The following ZNF44 variants were observed in gnomAD, a reference collection of about 807,000 sequenced individuals.
ZNF44 encodes gonadotropin inducible transcription repressor-2.
ZNF44 carries 9 observed loss-of-function variants against 11.7 expected under a neutral mutation model. The observed-to-expected ratio is 0.77, with a 90% CI of 0.46 to 1.35. The LOEUF (loss-of-function observed/expected upper bound fraction) is 1.35. ZNF44 is among the 40% of genes most tolerant of loss of function. The probability of loss-of-function intolerance (pLI) is 0.00; values close to 1 mark genes in which losing one functional copy is unlikely to be tolerated. For synonymous variants in ZNF44, 224 were observed against 242.7 expected (o/e 0.92, Z 0.72); for missense variants, 696 against 743.1 (o/e 0.94, Z 0.74).
intron 2 of ZNF44, among the ~76,000 whole-genome samples, chr19:12,234,380 A>G (rs1349059198): frequency 1.3e-5 from 2 of 152,092 alleles, no homozygotes; most frequent in East Asian, 1.9e-4. Flanking sequence ...CCCTCAAGGG[A>G]TTTTCCTCTT....
At chr19:12,291,628 G>A (rs1289799763) in intron 1 of ZNF44, among the ~76,000 whole-genome samples, 2 of 152,096 alleles carry the variant, frequency 1.3e-5, no homozygotes, top group South Asian at 2.1e-4. Context: ...AGCCCTGGAG[G>A]CAGAGGTTGC....
chr19:12,258,250 T>C (rs1040614878), intron 5 of ZNF44, among the ~76,000 whole-genome samples: 1 of 144,892 alleles, frequency 6.9e-6, no homozygotes, highest in African/African-American at 2.5e-5. Flanking sequence ...GGAGGATGCT[T>C]CAGCCCAGAT....
At chr19:12,270,728 C>T (rs1480048687), downstream of ZNF44, among the ~76,000 whole-genome samples, 2 of 152,170 alleles carry the variant, frequency 1.3e-5, no homozygotes, top group Non-Finnish European at 2.9e-5. Flanking sequence ...GCTAGGATTA[C>T]AGGTGTGAAC....
chr19:12,263,678 C>T (rs1021243777), intron 5 of ZNF44, among the ~76,000 whole-genome samples: 4 of 152,000 alleles, frequency 2.6e-5, no homozygotes, highest in African/African-American at 4.8e-5. Flanking sequence ...GTAATCCCAG[C>T]ACTTTGGGAG....
intron 3 of ZNF44, among the ~76,000 whole-genome samples, chr19:12,229,748 G>T (rs1482044953): frequency 6.6e-6 from 1 of 151,996 alleles, no homozygotes; most frequent in African/African-American, 2.4e-5. Flanking sequence ...CAAGTACTGG[G>T]ACTACAGGTG....
chr19:12,242,159 G>A (rs73505809), upstream of ZNF44, among the ~76,000 whole-genome samples: 8,619 of 152,054 alleles, frequency 0.057, 830 homozygotes, highest in African/African-American at 0.2. Flanking sequence ...TGTATTTAAT[G>A]CTACTGAATG....
downstream of ZNF44, chr19:12,225,328 G>A (rs1027750415): frequency 3.3e-5 from 5 of 152,232 alleles, no homozygotes; most frequent in African/African-American, 1.2e-4. Flanking sequence ...CCATAATTAG[G>A]TATATTATTA....
At chr19:12,275,118 G>A in intron 2 of ZNF44, 85 bp from the exon 3 acceptor site, 1 of 959,896 alleles carries the variant, frequency 1.0e-6, no homozygotes. Flanking sequence ...CTACAATCAT[G>A]TATGATTCAT....
upstream of ZNF44, among the ~76,000 whole-genome samples, chr19:12,241,532 A>G (rs561638702): frequency 2.8e-4 from 43 of 152,290 alleles, 1 homozygote; most frequent in African/African-American, 9.6e-4. Flanking sequence ...TGTCTCTACT[A>G]AAAATACAAA....
Position 12,235,148 on chromosome 19 carries a change from G to A in ZNF44, n.139-240C>T, listed in dbSNP as rs531526616. Among the ~76,000 whole-genome samples, 9 of 152,180 alleles carry A rather than the reference G, an allele frequency of 5.9e-5. No individual in the cohort carries two copies. The South Asian group carries it at 1.2e-3, about 21-fold the overall frequency. On this transcript the variant is annotated intron_variant and non_coding_transcript_variant, in intron 1 of 3. Transcript: ENST00000597563. ...TCCCAACACTTTGGGGGGCAGAGGC[G>A]GGCGGATCACAAGGTCAGGAGACAT...
In ZNF44 at chr19:12,293,282, G is replaced by C. The variant is rs989052992; in HGVS notation, c.3+1410C>G. On this transcript the variant is annotated intron_variant, in intron 1 of 3. Transcript: ENST00000355684. The stretch of plus-strand genomic sequence containing the variant: ...AACACCTCAGGCTGTCCTCTGGGAA[G>C]AGTGACCCAAGGGCCGATATCCACT... 6 of 1,537,066 alleles carry C rather than the reference G, an allele frequency of 3.9e-6. No homozygotes were observed. The South Asian group carries it at 7.1e-5, about 18-fold the overall frequency.
downstream of ZNF44, among the ~76,000 whole-genome samples, chr19:12,271,006 G>A (rs1395044899): frequency 6.6e-6 from 1 of 152,116 alleles, no homozygotes; most frequent in African/African-American, 2.4e-5. Context: ...TGGTGGAAAG[G>A]AAACTGAAGA....
At chr19:12,264,140 AACT>A (rs147785779) in intron 5 of ZNF44, among the ~76,000 whole-genome samples, 30,996 of 151,908 alleles carry the variant, frequency 0.2, 4,062 homozygotes, top group African/African-American at 0.38. Flanking sequence ...GGCCCAAGGA[AACT>A]ACAATTACAA....
chr19:12,249,331 C>T (rs971076649), intron 7 of ZNF44, among the ~76,000 whole-genome samples: 16 of 150,680 alleles, frequency 1.1e-4, no homozygotes, highest in Non-Finnish European at 2.4e-4. Context: ...ACAGTGAAAC[C>T]CCGTCTCTAC....
intron 1 of ZNF44, among the ~76,000 whole-genome samples, chr19:12,288,771 A>T (rs1311478469): frequency 2.6e-5 from 1 of 38,368 alleles, no homozygotes; most frequent in African/African-American, 1.7e-4. Flanking sequence ...AAAAAAAAAA[A>T]ATGTATATAT....
At chr19:12,260,281 C>T in intron 5 of ZNF44, 5 of 844,910 alleles carry the variant, frequency 5.9e-6, no homozygotes, top group Non-Finnish European at 8.2e-6. Flanking sequence ...GGCGTGGAGC[C>T]GGCAGCCGAG....
At chr19:12,261,000 C>A (rs898321778) in intron 5 of ZNF44, among the ~76,000 whole-genome samples, 112 of 152,310 alleles carry the variant, frequency 7.4e-4, no homozygotes, top group African/African-American at 2.6e-3. Flanking sequence ...GACAGTGGGT[C>A]TCACACACAC....
chr19:12,266,726 G>A (rs1046541983), intron 5 of ZNF44, among the ~76,000 whole-genome samples: 1 of 152,182 alleles, frequency 6.6e-6, no homozygotes, highest in African/African-American at 2.4e-5. Context: ...TAAGAAACCA[G>A]CAGGACATGC....
exon 8 of ZNF44, chr19:12,248,048 A>C (rs1235298483): frequency 7.5e-7 from 1 of 1,336,028 alleles, no homozygotes; most frequent in East Asian, 4.9e-5. Flanking sequence ...CTCCAGTGTG[A>C]GTTCTTTCAT....
Sources: allele counts gnomAD v4.1 joint callset (sites outside exome capture counted in the v4.1 genomes callset), GRCh38; gene constraint gnomAD v4.1.1; transcripts MANE v1.5; gene names NCBI Gene and HGNC (gene_info 2026-07-23, HGNC 2026-07-21).